The following EPC1 variants were observed in gnomAD, a reference collection of about 807,000 sequenced individuals.
EPC1 encodes the protein enhancer of polycomb homolog 1.
EPC1 carries 12 observed loss-of-function variants against 98.4 expected under a neutral mutation model. The observed-to-expected ratio is 0.12, with a 90% CI of 0.08 to 0.20. The LOEUF (loss-of-function observed/expected upper bound fraction) is 0.20. Ranked by LOEUF, EPC1 falls within the 10% of genes least tolerant of loss-of-function variation. The pLI is 1.00. For missense variants in EPC1, 729 were observed against 990.5 expected (o/e 0.74, Z 3.54); for synonymous variants, 357 against 363.9 (o/e 0.98, Z 0.21).
At chr10:32,345,217 G>A (rs2133055824) in intron 1 of EPC1, 1 of 984,944 alleles carries the variant, frequency 1.0e-6, no homozygotes, top group East Asian at 1.1e-4. Flanking sequence ...TTAAGAGGTA[G>A]TGTCTCATGA....
Position 32,293,615 on chromosome 10 carries a change from G to A in EPC1, c.436C>T (p.Leu146=), listed in dbSNP as rs1834972864. 1.9e-6 allele frequency: 3 copies of A among 1,613,298 alleles called. No individual in the cohort carries two copies. The highest frequency in any genetic ancestry group is 2.5e-6 in the Non-Finnish European group (3 of 1,179,736). Residue 146 remains leucine, a synonymous_variant, in exon 3 of 14, where the codon CTA becomes TTA. Coordinates refer to ENST00000319778, the MANE Select transcript of EPC1 (RefSeq NM_001272004.3). ...PLQFEEMIDR[L]EKGSGQQPVS... is the part of the protein sequence containing the mutation. ...ACCTGCTGACCACTGCCTTTTTCTA[G>A]GCGGTCAATCATCTCCTCAAATTGC...
upstream of EPC1, chr10:32,347,262 A>T (rs151201938): frequency 9.0e-7 from 1 of 1,108,954 alleles, no homozygotes; most frequent in African/African-American, 1.6e-5. Flanking sequence ...CGCCGGCACG[A>T]AGCGCGCGTC....
In EPC1 at chr10:32,347,084, T is replaced by TGCCGC. The variant is rs1838892753; in HGVS notation, c.-174_-170dup. 2.1e-6 allele frequency: 3 copies of TGCCGC among 1,445,632 alleles called. No individual in the cohort carries two copies. The highest frequency in any genetic ancestry group is 1.4e-5 in the African/African-American group (1 of 69,848). 89.6% of individuals were successfully genotyped at this position (1,445,632 alleles called of 1,614,324 possible). On this transcript the variant is annotated 5_prime_UTR_variant, in exon 1 of 14. Transcript: ENST00000319778. ...CACCAGCCGGGAGGGTGGGAGGCTGTGCCGCTCCGCTCCTCTCTCGCTCGC... is the reference window on the plus strand; with the variant it reads ...CACCAGCCGGGAGGGTGGGAGGCTGTGCCGCGCCGCTCCGCTCCTCTCTCGCTCGC...
At chr10:32,365,222 T>C (rs753258038) in intron 1 of EPC1, among the ~76,000 whole-genome samples, 11 of 152,170 alleles carry the variant, frequency 7.2e-5, no homozygotes, top group Non-Finnish European at 1.5e-4. Flanking sequence ...CAAATGTGAT[T>C]TGAGGAATCA....
At chr10:32,322,064 G>A (rs935475081) in intron 1 of EPC1, among the ~76,000 whole-genome samples, 1 of 146,354 alleles carries the variant, frequency 6.8e-6, no homozygotes, top group Non-Finnish European at 1.5e-5. Flanking sequence ...TGCTGCTAAT[G>A]TCCAGGCATC....
At chr10:32,344,296 T>C (rs1592623458) in intron 1 of EPC1, among the ~76,000 whole-genome samples, 1 of 152,358 alleles carries the variant, frequency 6.6e-6, no homozygotes, top group East Asian at 1.9e-4. Flanking sequence ...CAGGTACTTT[T>C]TACATTCTTC....
chr10:32,311,461 G>A (rs1564540482), intron 1 of EPC1, among the ~76,000 whole-genome samples: 2 of 151,904 alleles, frequency 1.3e-5, no homozygotes, highest in Admixed American at 1.3e-4. Context: ...ATAAAGAAGA[G>A]GGCACTACAG....
intron 1 of EPC1, chr10:32,346,406 A>C: frequency 5.2e-6 from 1 of 192,546 alleles, no homozygotes; most frequent in South Asian, 7.8e-5. Context: ...GCACCCCCAC[A>C]GCCACCCAGC....
At chr10:32,281,743 A>T (rs1204338468) in intron 10 of EPC1, 4 of 151,176 alleles carry the variant, frequency 2.6e-5, no homozygotes, top group Non-Finnish European at 4.4e-5. Flanking sequence ...ATCTCGGCTC[A>T]CTGCAACCTC....
intron 1 of EPC1, among the ~76,000 whole-genome samples, chr10:32,339,087 G>A (rs1300201811): frequency 6.6e-6 from 1 of 151,994 alleles, no homozygotes; most frequent in Non-Finnish European, 1.5e-5. Context: ...TTTAGAACTT[G>A]ACCCTTCTTA....
chr10:32,313,774 T>C (rs1836388165), intron 1 of EPC1, among the ~76,000 whole-genome samples: 1 of 152,034 alleles, frequency 6.6e-6, no homozygotes, highest in Non-Finnish European at 1.5e-5. Context: ...TAATCTCAGC[T>C]ACTCTGAAGG....
chr10:32,269,054 C>T lies in EPC1; in HGVS notation c.*9G>A, dbSNP rs1223086080. On this transcript the variant is annotated 3_prime_UTR_variant, in exon 14 of 14. Transcript: ENST00000319778. The stretch of plus-strand genomic sequence containing the variant: ...CAAGTCCCCAGGCTGCAGTTCCACT[C>T]GGAGGAAGCTACGTCACCTCCATCG... 17 of 1,612,338 alleles carry T rather than the reference C, an allele frequency of 1.1e-5. No individual in the cohort carries two copies. Among genetic ancestry groups the T allele is most frequent in the Middle Eastern group, 1.7e-4 (1 of 6,050 alleles).
At chr10:32,285,451 G>A (rs1252461178) in intron 9 of EPC1, 1 of 184,046 alleles carries the variant, frequency 5.4e-6, no homozygotes, top group Non-Finnish European at 1.1e-5. Flanking sequence ...CACTACTCTA[G>A]AGGATATATT....
intron 1 of EPC1, among the ~76,000 whole-genome samples, chr10:32,320,192 T>G (rs1335557731): frequency 3.3e-5 from 3 of 91,778 alleles, no homozygotes; most frequent in East Asian, 6.8e-4. Flanking sequence ...ATAATGGTTG[T>G]TTTTTTTTTT....
intron 1 of EPC1, among the ~76,000 whole-genome samples, chr10:32,365,905 G>A (rs1407222327): frequency 1.4e-5 from 2 of 145,186 alleles, no homozygotes; most frequent in African/African-American, 5.1e-5. Context: ...GGGCCGAGAT[G>A]GGTGGATCAC....
At chr10:32,300,427 TTCAAC>T (rs1835440294) in intron 2 of EPC1, among the ~76,000 whole-genome samples, 1 of 149,346 alleles carries the variant, frequency 6.7e-6, no homozygotes, top group African/African-American at 2.5e-5. Context: ...AGTGTATCAA[TTCAAC>T]TCTTTTTTTT....
intron 1 of EPC1, among the ~76,000 whole-genome samples, chr10:32,321,374 C>G (rs930661284): frequency 6.6e-6 from 1 of 151,696 alleles, no homozygotes; most frequent in South Asian, 2.1e-4. Flanking sequence ...GAGATGGGGT[C>G]TTGCTATATT....
chr10:32,330,963 G>T (rs1415443881), intron 1 of EPC1, among the ~76,000 whole-genome samples: 1 of 151,992 alleles, frequency 6.6e-6, no homozygotes, highest in Middle Eastern at 3.2e-3. Context: ...CAGTGTAAAA[G>T]TTCGAACGTA....
chr10:32,312,232 G>C (rs371023101), intron 1 of EPC1, among the ~76,000 whole-genome samples: 3 of 152,132 alleles, frequency 2.0e-5, no homozygotes, highest in African/African-American at 7.2e-5. Flanking sequence ...CTTTTTCTAC[G>C]AGCAATAGCG....
Sources: allele counts gnomAD v4.1 joint callset (sites outside exome capture counted in the v4.1 genomes callset), GRCh38; gene constraint gnomAD v4.1.1; transcripts MANE v1.5; gene names NCBI Gene and HGNC (gene_info 2026-07-23, HGNC 2026-07-21).